The following SDR16C5 variants were observed in gnomAD, a reference collection of about 807,000 sequenced individuals.
SDR16C5 encodes epidermal retinol dehydrogenase 2.
In SDR16C5, 20 loss-of-function variants were observed where a neutral mutation model predicts 27.7. The ratio of observed to expected loss-of-function variants is 0.72; its 90% confidence interval spans 0.51 to 1.05. The LOEUF is 1.05. Ranked by LOEUF, SDR16C5 falls within the 50% of genes least tolerant of loss-of-function variation. The probability of loss-of-function intolerance (pLI) is 0.00; values close to 1 mark genes in which losing one functional copy is unlikely to be tolerated. For missense variants in SDR16C5, 374 were observed against 366.3 expected (o/e 1.02, Z -0.17); for synonymous variants, 139 against 132.3 (o/e 1.05, Z -0.35).
chr8:56,304,176 G>T, intron 6 of SDR16C5: 1 of 658,388 alleles, frequency 1.5e-6, no homozygotes, highest in Admixed American at 2.3e-5. Flanking sequence ...CTGTACACAG[G>T]ATGGACAATG....
At chr8:56,308,002 G>C (rs1440333444) in intron 4 of SDR16C5, among the ~76,000 whole-genome samples, 1 of 152,130 alleles carries the variant, frequency 6.6e-6, no homozygotes, top group Non-Finnish European at 1.5e-5. Flanking sequence ...TAAGAGGGAG[G>C]TAAGAATAAT....
rs377580203 is a variant in SDR16C5 at position 56,314,634 on chromosome 8, C to T, written c.333+1381G>A. ...TCAGCTGTGCTTGGAAGAGTGGGCC[C>T]AGCGTAGGCCCGAGCAAATTTGTCA... is the stretch of plus-strand genomic sequence containing the variant. On this transcript the variant is annotated intron_variant, in intron 2 of 6. Transcript: ENST00000303749. Among the ~76,000 whole-genome samples, 7 of 152,172 alleles carry T rather than the reference C, an allele frequency of 4.6e-5. 1 individual carries two copies. The highest frequency in any genetic ancestry group is 1.0e-4 in the Non-Finnish European group (7 of 68,028).
intron 2 of SDR16C5, among the ~76,000 whole-genome samples, chr8:56,315,257 A>G (rs1391823272): frequency 6.6e-6 from 1 of 151,914 alleles, no homozygotes; most frequent in African/African-American, 2.4e-5. Context: ...AAAAAAAAAA[A>G]AAAATTCCTT....
At chr8:56,310,446 G>A (rs865916226) in intron 3 of SDR16C5, among the ~76,000 whole-genome samples, 3 of 152,228 alleles carry the variant, frequency 2.0e-5, no homozygotes, top group African/African-American at 2.4e-5. Flanking sequence ...CAGGCCAAGC[G>A]CAGTGGCTCA....
chr8:56,301,427 G>GTA lies in SDR16C5; in HGVS notation c.*51_*52dup. On this transcript the variant is annotated 3_prime_UTR_variant, in exon 7 of 7. Transcript: ENST00000303749. ...GACAAAAATACTTTTCTTCATTGAA[G>GTA]TACGCATTATGTAACACTGTGTATC... 8.2e-7 allele frequency: 1 copy of GTA among 1,221,472 alleles called. No individual in the cohort carries two copies. Among genetic ancestry groups the GTA allele is most frequent in the East Asian group, 2.3e-5 (1 of 42,866 alleles). The allele number at this position is 1,221,472 out of a possible 1,614,324, so 75.7% of individuals were successfully genotyped here.
intron 1 of SDR16C5, among the ~76,000 whole-genome samples, chr8:56,318,554 A>C (rs1336383513): frequency 1.3e-5 from 2 of 152,210 alleles, no homozygotes; most frequent in Non-Finnish European, 2.9e-5. Flanking sequence ...GTAGTTGGTC[A>C]GACCACCACA....
At chr8:56,317,760 C>T (rs1158351553) in intron 1 of SDR16C5, among the ~76,000 whole-genome samples, 2 of 152,090 alleles carry the variant, frequency 1.3e-5, no homozygotes, top group African/African-American at 2.4e-5. Context: ...GACTGAGGAT[C>T]GAAGAGAAGA....
chr8:56,306,703 GT>G lies in SDR16C5; in HGVS notation c.682del (p.Thr228LeufsTer27), dbSNP rs1814892203. 1 of 1,613,178 alleles carries G rather than the reference GT, an allele frequency of 6.2e-7. No homozygotes were observed. Among genetic ancestry groups the G allele is most frequent in the Non-Finnish European group, 8.5e-7 (1 of 1,179,786 alleles). ...TGTAGTACAACCTTCAAACATTCCAGTTTTTATAAAAAAGGGGCACACAATC... is the reference window on the plus strand; with the variant it reads ...TGTAGTACAACCTTCAAACATTCCAGTTTTATAAAAAAGGGGCACACAATC... The part of the protein sequence containing the change: ...TTIVCPFFIK[T>X]GMFEGCTTGC... On this transcript the variant is annotated frameshift_variant, in exon 5 of 7. Transcript: ENST00000303749. LOFTEE classifies it high-confidence loss of function.
At chr8:56,309,702 G>A (rs1351505609) in intron 3 of SDR16C5, 1 of 436,822 alleles carries the variant, frequency 2.3e-6, no homozygotes, top group African/African-American at 2.1e-5. Context: ...TCTTACAAAG[G>A]CCAAACCTCA....
intron 4 of SDR16C5, among the ~76,000 whole-genome samples, chr8:56,308,526 C>T (rs1814941400): frequency 6.6e-6 from 1 of 152,206 alleles, no homozygotes; most frequent in African/African-American, 2.4e-5. Context: ...GGTGTAGAAA[C>T]TTTATCCAAA....
chr8:56,316,718 C>A (rs1158444840), intron 1 of SDR16C5, among the ~76,000 whole-genome samples: 2 of 152,284 alleles, frequency 1.3e-5, no homozygotes, highest in East Asian at 3.9e-4. Context: ...ATAATGAATC[C>A]TGTTGGCTGA....
chr8:56,306,601 TAA>T, intron 5 of SDR16C5, 73 bp downstream of exon 5: 1 of 1,341,468 alleles, frequency 7.5e-7, no homozygotes, highest in Non-Finnish European at 1.0e-6. Context: ...TTAAACAACT[TAA>T]AAAAAAGAAC....
chr8:56,315,640 T>C (rs1181769722), intron 2 of SDR16C5, among the ~76,000 whole-genome samples: 1 of 152,122 alleles, frequency 6.6e-6, no homozygotes, highest in Non-Finnish European at 1.5e-5. Context: ...TACACTGTAA[T>C]AGGGGCCGGT....
intron 6 of SDR16C5, 41 bp downstream of exon 6, chr8:56,305,556 G>T (rs1175935879): frequency 6.5e-7 from 1 of 1,526,922 alleles, no homozygotes; most frequent in East Asian, 2.4e-5. Flanking sequence ...GTAAACTGTA[G>T]ACTGGCATGT....
rs747345250 is a variant in SDR16C5, at chr8:56,305,702, A to G, written c.731T>C (p.Ile244Thr). The G allele has an allele frequency of 1.3e-6, 2 of 1,596,904 alleles. No homozygotes were observed. Among genetic ancestry groups the G allele is most frequent in the African/African-American group, 1.4e-5 (1 of 74,032 alleles). ...TTCAACTGCATATTTTGGTTCCAGA[A>G]TTGGCAACAGAGAAGGACAGCTAGG... ...CTTGCPSLLPILEPKYAVEKI... is the reference protein window; with the variant it reads ...CTTGCPSLLPTLEPKYAVEKI... The change falls in exon 6 of 7, where the codon ATT becomes ACT. Residue 244 changes from isoleucine to threonine, a missense_variant. Ile to Thr is a moderately conservative substitution (Grantham distance 89). Transcript: ENST00000303749.
chr8:56,319,128 A>T (rs1444170655), intron 1 of SDR16C5, among the ~76,000 whole-genome samples: 1 of 150,890 alleles, frequency 6.6e-6, no homozygotes, highest in African/African-American at 2.4e-5. Flanking sequence ...AAATTAGAAA[A>T]AAAAAAAAAA....
At chr8:56,303,479 C>T (rs1480677081) in intron 6 of SDR16C5, among the ~76,000 whole-genome samples, 3 of 152,112 alleles carry the variant, frequency 2.0e-5, no homozygotes, top group African/African-American at 7.2e-5. Context: ...CCCCCTCACC[C>T]CACAGGAAGT....
At chr8:56,318,727 C>T (rs1019009301) in intron 1 of SDR16C5, among the ~76,000 whole-genome samples, 2 of 152,166 alleles carry the variant, frequency 1.3e-5, no homozygotes, top group Non-Finnish European at 2.9e-5. Flanking sequence ...GTTCCACTGT[C>T]TCAATGTTGG....
intron 6 of SDR16C5, among the ~76,000 whole-genome samples, chr8:56,305,312 C>T (rs749017191): frequency 1.4e-4 from 21 of 152,076 alleles, no homozygotes; most frequent in Admixed American, 5.2e-4. Flanking sequence ...AAAATCATTT[C>T]GATCTTTCCA....
Sources: gnomAD v4.1 joint callset for allele counts (sites outside exome capture counted in the v4.1 genomes callset) on GRCh38, gnomAD v4.1.1 for gene constraint, MANE v1.5 for transcripts, NCBI Gene and HGNC (gene_info 2026-07-23, HGNC 2026-07-21) for gene names.